SNTG2: variants seen among roughly 807,000 people sequenced by gnomAD.
SNTG2 encodes gamma-2-syntrophin.
SNTG2 carries 74 observed loss-of-function variants against 70.9 expected under a neutral mutation model. The ratio of observed to expected loss-of-function variants is 1.04; its 90% CI spans 0.86 to 1.27. The LOEUF (loss-of-function observed/expected upper bound fraction) is 1.27. Ranked by LOEUF, SNTG2 falls within the 50% of genes most tolerant of loss-of-function variation. The pLI, the probability that SNTG2 is intolerant of heterozygous loss-of-function variation, is 0.00. For missense variants in SNTG2, 717 were observed against 690.7 expected (o/e 1.04, Z -0.43); for synonymous variants, 278 against 273.8 (o/e 1.02, Z -0.15).
chr2:1,044,914 A>G (rs1387518938), intron 1 of SNTG2, among the ~76,000 whole-genome samples: 1 of 151,936 alleles, frequency 6.6e-6, no homozygotes, highest in Non-Finnish European at 1.5e-5. Flanking sequence ...TGAGTTAGGA[A>G]TCCCTCTGCC....
chr2:1,077,854 C>T (rs1294467032), intron 1 of SNTG2, among the ~76,000 whole-genome samples: 9 of 152,232 alleles, frequency 5.9e-5, no homozygotes, highest in Non-Finnish European at 1.2e-4. Flanking sequence ...GAAGATCTTT[C>T]TCCGTAGGAA....
intron 6 of SNTG2, among the ~76,000 whole-genome samples, chr2:1,153,065 A>G (rs1488699744): frequency 6.6e-6 from 1 of 151,826 alleles, no homozygotes; most frequent in East Asian, 1.9e-4. Flanking sequence ...CGGAGGTTGC[A>G]GTGAGTCGAG....
intron 4 of SNTG2, among the ~76,000 whole-genome samples, chr2:1,136,982 G>A (rs1360791965): frequency 1.3e-5 from 2 of 152,170 alleles, no homozygotes; most frequent in Non-Finnish European, 2.9e-5. Context: ...AACGAAAAAT[G>A]TGCATCAGAC....
chr2:1,119,172 C>T (rs893166130), intron 4 of SNTG2, among the ~76,000 whole-genome samples: 6 of 152,054 alleles, frequency 3.9e-5, no homozygotes, highest in Non-Finnish European at 8.8e-5. Context: ...ATTCTGTGCT[C>T]AGCAAAGCTG....
intron 2 of SNTG2, among the ~76,000 whole-genome samples, chr2:1,094,725 C>T (rs1281993782): frequency 1.8e-5 from 1 of 56,314 alleles, no homozygotes; most frequent in Non-Finnish European, 3.1e-5. Flanking sequence ...GGCTGGCTTC[C>T]TGGACTGCAG....
chr2:1,267,183 G>T (rs748614215), intron 13 of SNTG2, among the ~76,000 whole-genome samples, 182 bp from the exon 14 acceptor site: 1 of 152,170 alleles, frequency 6.6e-6, no homozygotes, highest in Non-Finnish European at 1.5e-5. Flanking sequence ...ATATTTGTCT[G>T]TGGACCACTT....
intron 1 of SNTG2, among the ~76,000 whole-genome samples, chr2:1,038,749 C>T (rs973914121): frequency 2.0e-5 from 3 of 152,158 alleles, no homozygotes; most frequent in Admixed American, 6.5e-5. Flanking sequence ...CATGAAAAGC[C>T]TGGTAAATCA....
At chr2:1,242,724 C>T (rs2148118999) in intron 11 of SNTG2, 1 of 152,282 alleles carries the variant, frequency 6.6e-6, no homozygotes, top group Admixed American at 6.5e-5. Flanking sequence ...ACAGGTAATT[C>T]TGGCTTTTTC....
chr2:1,065,469 T>A (rs191906655), intron 1 of SNTG2, among the ~76,000 whole-genome samples: 15 of 152,288 alleles, frequency 9.8e-5, no homozygotes, highest in African/African-American at 3.6e-4. Flanking sequence ...TTGGATGAGG[T>A]CAAACGAGTA....
intron 9 of SNTG2, among the ~76,000 whole-genome samples, chr2:1,231,369 GAGCCTGGCACA>G (rs1558570456): frequency 6.6e-6 from 1 of 152,220 alleles, no homozygotes; most frequent in Non-Finnish European, 1.5e-5. Context: ...ACTTAGGATA[GAGCCTGGCACA>G]AAGCCAGCTC....
chr2:1,044,108 T>G (rs1022753737), intron 1 of SNTG2, among the ~76,000 whole-genome samples: 2 of 152,130 alleles, frequency 1.3e-5, no homozygotes, highest in Non-Finnish European at 2.9e-5. Flanking sequence ...TAATTCTTAT[T>G]GTAGGGAGCT....
intron 8 of SNTG2, among the ~76,000 whole-genome samples, chr2:1,183,083 A>C (rs917243905): frequency 2.6e-5 from 4 of 152,146 alleles, no homozygotes; most frequent in African/African-American, 9.7e-5. Context: ...CTATAACCAT[A>C]GATTCGTTTT....
intron 1 of SNTG2, among the ~76,000 whole-genome samples, chr2:1,012,946 G>A (rs1388227926): frequency 1.6e-4 from 8 of 48,808 alleles, no homozygotes; most frequent in Non-Finnish European, 3.1e-4. Flanking sequence ...GTGGTCTGTA[G>A]AGGGATTTAT....
At position 1,360,878 on chromosome 2, in the gene SNTG2, T is replaced by C. The variant is rs182609166; in HGVS notation, c.1489-6465T>C. ...CCTACCATTGGAGCCTGATTCTGCATAACGATTCCAGTCACCTGCGTGTCC... is the reference window on the plus strand; with the variant it reads ...CCTACCATTGGAGCCTGATTCTGCACAACGATTCCAGTCACCTGCGTGTCC... On this transcript the variant is annotated intron_variant, in intron 16 of 16. Coordinates refer to ENST00000308624, the MANE Select transcript of SNTG2 (RefSeq NM_018968.4). 3.6e-3 allele frequency among the ~76,000 whole-genome samples: 554 copies of C among 152,346 alleles called. 4 individuals carry two copies. Among genetic ancestry groups the C allele is most frequent in the African/African-American group, 0.012 (514 of 41,582 alleles).
At chr2:1,363,868 T>C (rs1661332180) in intron 16 of SNTG2, among the ~76,000 whole-genome samples, 1 of 152,232 alleles carries the variant, frequency 6.6e-6, no homozygotes, top group African/African-American at 2.4e-5. Flanking sequence ...TTGAGTATTG[T>C]TTCATAAGCT....
intron 1 of SNTG2, among the ~76,000 whole-genome samples, chr2:1,014,741 A>G (rs1007969390): frequency 2.0e-5 from 3 of 146,846 alleles, no homozygotes; most frequent in African/African-American, 7.5e-5. Context: ...ATATGGGCAG[A>G]GAGAGAAGGG....
rs1176576976 is a variant in SNTG2 at position 1,247,549 on chromosome 2, T to TG, written c.1005+108dup. ...TTTGGAGGAGGACAGACAGAGTGCT[T>TG]GGTCCTGCCGTTTGCTGTTTCTGCA... On this transcript the variant is annotated intron_variant, in intron 12 of 16. Coordinates refer to ENST00000308624, the MANE Select transcript of SNTG2 (RefSeq NM_018968.4). The TG allele has an allele frequency of 3.9e-6, 3 of 771,138 alleles. No homozygotes were observed. In the East Asian group the frequency reaches 7.9e-5, roughly 20 times the overall value. 47.8% of individuals were successfully genotyped at this position (771,138 alleles called of 1,614,324 possible).
At chr2:962,690 G>C (rs973823876) in intron 1 of SNTG2, among the ~76,000 whole-genome samples, 1 of 152,058 alleles carries the variant, frequency 6.6e-6, no homozygotes, top group Admixed American at 6.5e-5. Flanking sequence ...ATAATAAATC[G>C]AATATGTTTT....
At chr2:1,101,999 A>G (rs1227142474) in intron 4 of SNTG2, among the ~76,000 whole-genome samples, 5 of 152,212 alleles carry the variant, frequency 3.3e-5, no homozygotes, top group Non-Finnish European at 5.9e-5. Context: ...CCATGAGTTT[A>G]TCCAATCATA....
Sources: gnomAD v4.1 joint callset for allele counts (sites outside exome capture counted in the v4.1 genomes callset) on GRCh38, gnomAD v4.1.1 for gene constraint, MANE v1.5 for transcripts, NCBI Gene and HGNC (gene_info 2026-07-23, HGNC 2026-07-21) for gene names.